Variants in RGS22 observed in about 807,000 individuals in gnomAD.
RGS22 encodes the protein regulator of G protein signaling 22.
In RGS22, 148 loss-of-function variants were observed where a neutral mutation model predicts 172.9. That is an observed-to-expected ratio of 0.86 (90% confidence interval 0.75 to 0.98). The LOEUF is 0.98. Ranked by LOEUF, RGS22 falls within the 50% of genes least tolerant of loss-of-function variation. The pLI is 0.00. For missense variants in RGS22, 1,347 were observed against 1,440.8 expected (o/e 0.93, Z 1.05); for synonymous variants, 458 against 480.2 (o/e 0.95, Z 0.60).
In RGS22 at chr8:100,084,956, A is replaced by G. The variant is rs1354682456; in HGVS notation, c.118-4601T>C. On this transcript the variant is annotated intron_variant, in intron 3 of 27. Coordinates refer to ENST00000360863, the MANE Select transcript of RGS22 (RefSeq NM_015668.5). The stretch of plus-strand genomic sequence containing the variant: ...TATGTCCCCAGTGACAAGGGTAGTA[A>G]TACTAGAATATTATGTCTGGTCTGG... Among the ~76,000 whole-genome samples the G allele has an allele frequency of 2.0e-5, 3 of 152,228 alleles. No homozygotes were observed. In the South Asian group the frequency reaches 6.2e-4, roughly 32 times the overall value.
At chr8:100,101,964 T>C (rs1586304894) in intron 2 of RGS22, among the ~76,000 whole-genome samples, 1 of 152,182 alleles carries the variant, frequency 6.6e-6, no homozygotes, top group Admixed American at 6.5e-5. Context: ...TAAGGCATTG[T>C]GGCTTCCCAA....
At chr8:100,052,389 C>T (rs1821757646) in intron 10 of RGS22, among the ~76,000 whole-genome samples, 1 of 150,720 alleles carries the variant, frequency 6.6e-6, no homozygotes, top group Non-Finnish European at 1.5e-5. Context: ...GCAAGCTCCG[C>T]CTCCCGGATT....
intron 2 of RGS22, among the ~76,000 whole-genome samples, chr8:100,103,814 G>A (rs927786316): frequency 7.9e-5 from 12 of 152,200 alleles, no homozygotes; most frequent in Non-Finnish European, 5.9e-5. Flanking sequence ...CCAAGAGAAA[G>A]GGAATGCCTA....
Position 99,999,290 on chromosome 8 carries a change from T to C in RGS22, c.2921A>G (p.Glu974Gly), listed in dbSNP as rs1814734260. The change falls in exon 19 of 28, where the codon GAA becomes GGA. Residue 974 changes from glutamate to glycine, a missense_variant. Physicochemically the swap from Glu to Gly is moderately conservative, Grantham distance 98. Transcript: ENST00000360863. The stretch of plus-strand genomic sequence containing the variant: ...TATCTTCTGACGTGCTGCAAACTGT[T>C]CACTTGCAAGAAACAATGGCAGCCA... ...NVWLPLFLAS[E>G]QFAARQKIKV... is the part of the protein sequence containing the mutation. The C allele has an allele frequency of 6.2e-7, 1 of 1,613,768 alleles. No individual in the cohort carries two copies.
intron 17 of RGS22, 54 bp from the exon 18 acceptor site, chr8:100,002,418 C>T (rs1259550345): frequency 4.6e-6 from 7 of 1,508,678 alleles, no homozygotes; most frequent in Non-Finnish European, 6.2e-6. Context: ...CCTCTAAATT[C>T]TAGTAAACAC....
At chr8:100,024,846 C>T (rs1411427917) in intron 14 of RGS22, among the ~76,000 whole-genome samples, 4 of 152,034 alleles carry the variant, frequency 2.6e-5, no homozygotes, top group Non-Finnish European at 5.9e-5. Context: ...CAATCTACCT[C>T]TTAGGATTGT....
rs373629039 is a variant in RGS22 at position 100,063,218 on chromosome 8, A to G, written c.1352+198T>C. Among the ~76,000 whole-genome samples, 18 of 152,282 alleles carry G rather than the reference A, an allele frequency of 1.2e-4. No individual in the cohort carries two copies. In the East Asian group the frequency reaches 2.7e-3, roughly 23 times the overall value. ...AACCCAAATAACTGTTATCATTAGT[A>G]TCTGAAAACTATGAAATCAGAAAAC... On this transcript the variant is annotated intron_variant, in intron 8 of 27. Transcript: ENST00000360863.
At chr8:100,002,707 G>C (rs1017773729) in intron 17 of RGS22, among the ~76,000 whole-genome samples, 1 of 152,042 alleles carries the variant, frequency 6.6e-6, no homozygotes, top group African/African-American at 2.4e-5. Context: ...CATGTCATTC[G>C]ACAAAAGGTC....
intron 20 of RGS22, among the ~76,000 whole-genome samples, chr8:99,995,038 G>A (rs1460987191): frequency 6.6e-6 from 1 of 152,128 alleles, no homozygotes; most frequent in African/African-American, 2.4e-5. Context: ...TTTAATAAAT[G>A]GTGCTGGGAA....
intron 3 of RGS22, chr8:100,080,582 T>C: frequency 2.1e-6 from 1 of 472,000 alleles, no homozygotes; most frequent in Non-Finnish European, 3.8e-6. Flanking sequence ...TGTCAGGGTA[T>C]GCTATGGCAG....
At chr8:100,041,779 T>G in intron 12 of RGS22, 23 bp downstream of exon 12, 1 of 1,257,872 alleles carries the variant, frequency 7.9e-7, no homozygotes. Context: ...GAATCAGGTT[T>G]ATTCAGTCCT....
chr8:100,100,673 A>G (rs1813402543), intron 2 of RGS22, among the ~76,000 whole-genome samples: 1 of 152,224 alleles, frequency 6.6e-6, no homozygotes, highest in African/African-American at 2.4e-5. Context: ...ATGTTACTGT[A>G]TGTTAAAATA....
intron 15 of RGS22, 40 bp from the exon 16 acceptor site, chr8:100,006,149 T>C: frequency 2.0e-6 from 3 of 1,516,150 alleles, no homozygotes; most frequent in Non-Finnish European, 1.8e-6. Flanking sequence ...CAAGAGAATG[T>C]ACAATTTGCT....
At chr8:99,995,511 T>G (rs999639244) in intron 20 of RGS22, among the ~76,000 whole-genome samples, 3 of 152,180 alleles carry the variant, frequency 2.0e-5, no homozygotes, top group African/African-American at 7.2e-5. Context: ...CATGAAAATA[T>G]GCTCATCATC....
At chr8:100,028,682 C>T (rs3133690) in intron 14 of RGS22, among the ~76,000 whole-genome samples, 2,918 of 152,140 alleles carry the variant, frequency 0.019, 88 homozygotes, top group East Asian at 0.11. Context: ...GCTCATAATT[C>T]AAAATTACAA....
At chr8:100,054,284 A>G (rs1411443141) in intron 9 of RGS22, 1 of 152,854 alleles carries the variant, frequency 6.5e-6, no homozygotes, top group African/African-American at 2.4e-5. Context: ...CCTGGTAGAA[A>G]ATTACTTCCC....
chr8:100,020,649 C>T lies in RGS22; in HGVS notation c.2167-12080G>A, dbSNP rs978375120. 3.3e-5 allele frequency among the ~76,000 whole-genome samples: 5 copies of T among 152,156 alleles called. No homozygotes were observed. In the East Asian group the frequency reaches 7.7e-4, roughly 24 times the overall value. ...CCAGCTTGTACCAGCTCACAAGAGCCGATTCATAAACATTCAGGAATTTTG... is the reference window on the plus strand; with the variant it reads ...CCAGCTTGTACCAGCTCACAAGAGCTGATTCATAAACATTCAGGAATTTTG... On this transcript the variant is annotated intron_variant, in intron 14 of 27. Coordinates refer to ENST00000360863, the MANE Select transcript of RGS22 (RefSeq NM_015668.5).
At position 100,016,701 on chromosome 8, in the gene RGS22, C is replaced by T. The variant is rs914474148; in HGVS notation, c.2167-8132G>A. On this transcript the variant is annotated intron_variant, in intron 14 of 27. Coordinates refer to ENST00000360863, the MANE Select transcript of RGS22 (RefSeq NM_015668.5). ...CTGAGGTAGGAGAATGGCGTGAACC[C>T]GGGAGGCGGAGCTTGCAGTGAGCCA... Among the ~76,000 whole-genome samples, 11 of 152,086 alleles carry T rather than the reference C, an allele frequency of 7.2e-5. No individual in the cohort carries two copies. The East Asian group carries it at 1.9e-3, about 27-fold the overall frequency.
chr8:99,990,333 T>TA (rs1813584752), intron 20 of RGS22, among the ~76,000 whole-genome samples: 1 of 152,134 alleles, frequency 6.6e-6, no homozygotes, highest in Admixed American at 6.6e-5. Context: ...GGGAAGCCTC[T>TA]AGCAGGGGAC....
Sources: gnomAD v4.1 joint callset for allele counts (sites outside exome capture counted in the v4.1 genomes callset) on GRCh38, gnomAD v4.1.1 for gene constraint, MANE v1.5 for transcripts, NCBI Gene and HGNC (gene_info 2026-07-23, HGNC 2026-07-21) for gene names.